DLG2: variants seen among roughly 807,000 people sequenced by gnomAD.
The protein encoded by DLG2 is disks large homolog 2.
DLG2 carries 45 observed loss-of-function variants against 132.5 expected under a neutral mutation model. That is an observed-to-expected ratio of 0.34 (90% CI 0.27 to 0.44). The LOEUF is 0.44. DLG2 is among the 20% of genes least tolerant of loss of function. The pLI is 1.00. For synonymous variants in DLG2, 424 were observed against 419.6 expected (o/e 1.01, Z -0.13); for missense variants, 1,045 against 1,196.9 (o/e 0.87, Z 1.87).
chr11:84,853,778 T>G (rs2082443563), intron 6 of DLG2, among the ~76,000 whole-genome samples: 1 of 152,018 alleles, frequency 6.6e-6, no homozygotes, highest in Non-Finnish European at 1.5e-5. Context: ...GTTCAGAAAT[T>G]GAATCATTTG....
At chr11:84,026,284 C>T (rs1366654298) in intron 11 of DLG2, among the ~76,000 whole-genome samples, 1 of 151,974 alleles carries the variant, frequency 6.6e-6, no homozygotes, top group African/African-American at 2.4e-5. Context: ...TTAAAGGAGT[C>T]GTGCCTGGTT....
chr11:85,286,608 G>A (rs1300047675), intron 3 of DLG2, among the ~76,000 whole-genome samples: 1 of 152,026 alleles, frequency 6.6e-6, no homozygotes, highest in African/African-American at 2.4e-5. Flanking sequence ...AAGTTTTCAA[G>A]AGCTACAGGA....
At chr11:84,011,229 G>A (rs1233004095) in intron 11 of DLG2, among the ~76,000 whole-genome samples, 1 of 152,072 alleles carries the variant, frequency 6.6e-6, no homozygotes, top group Non-Finnish European at 1.5e-5. Flanking sequence ...CTAGCACTTT[G>A]GGAGGCTGAA....
intron 11 of DLG2, among the ~76,000 whole-genome samples, chr11:84,024,609 A>G (rs2095489081): frequency 6.6e-6 from 1 of 152,190 alleles, no homozygotes; most frequent in Non-Finnish European, 1.5e-5. Context: ...TCATGACAAC[A>G]TAGATGGAAT....
intron 4 of DLG2, among the ~76,000 whole-genome samples, chr11:85,166,350 T>G (rs2078443300): frequency 1.3e-5 from 2 of 152,174 alleles, no homozygotes; most frequent in Non-Finnish European, 2.9e-5. Flanking sequence ...CATTTTCAAT[T>G]GCATGCTTGT....
At chr11:84,315,094 A>G (rs1242302913) in intron 7 of DLG2, among the ~76,000 whole-genome samples, 1 of 152,150 alleles carries the variant, frequency 6.6e-6, no homozygotes. Context: ...ATAAGGAGAG[A>G]TGGTGGCTAC....
chr11:84,697,765 G>A (rs1279018610), intron 6 of DLG2, among the ~76,000 whole-genome samples: 1 of 151,412 alleles, frequency 6.6e-6, no homozygotes, highest in Non-Finnish European at 1.5e-5. Flanking sequence ...GCTCAAAAAT[G>A]TACGTCATTG....
At chr11:84,059,694 C>T (rs1460187309) in intron 10 of DLG2, among the ~76,000 whole-genome samples, 1 of 152,128 alleles carries the variant, frequency 6.6e-6, no homozygotes, top group Non-Finnish European at 1.5e-5. Flanking sequence ...CCACTTTTGA[C>T]CATACTACTG....
chr11:85,027,173 CTTTTTTTTTTTTTT>C (rs10571202), intron 6 of DLG2, among the ~76,000 whole-genome samples: 15 of 69,366 alleles, frequency 2.2e-4, no homozygotes, highest in Non-Finnish European at 2.8e-4. Flanking sequence ...AGTGTGGTCT[CTTTTTTTTTTTTTT>C]TTTTTTTTTT....
chr11:85,330,374 AC>A (rs2081610348), intron 3 of DLG2, among the ~76,000 whole-genome samples: 1 of 27,872 alleles, frequency 3.6e-5, no homozygotes, highest in South Asian at 3.1e-3. Context: ...CTTGGAACCA[AC>A]CCAAATGTCC....
At chr11:83,540,807 G>A (rs557796199) in intron 20 of DLG2, among the ~76,000 whole-genome samples, 2 of 152,252 alleles carry the variant, frequency 1.3e-5, no homozygotes, top group South Asian at 4.2e-4. Flanking sequence ...AAAAGCTAGT[G>A]CCTGCTTTTA....
At chr11:84,299,358 C>T (rs950184413) in intron 7 of DLG2, among the ~76,000 whole-genome samples, 1 of 152,044 alleles carries the variant, frequency 6.6e-6, no homozygotes, top group Non-Finnish European at 1.5e-5. Flanking sequence ...CAGGTTATTG[C>T]AAACAGTTTA....
At chr11:84,490,049 A>G (rs2099160815) in intron 7 of DLG2, among the ~76,000 whole-genome samples, 1 of 152,184 alleles carries the variant, frequency 6.6e-6, no homozygotes, top group African/African-American at 2.4e-5. Flanking sequence ...TTTAAAAGGT[A>G]ATCATTAACA....
chr11:83,997,087 T>C (rs954021853), intron 11 of DLG2, among the ~76,000 whole-genome samples: 2 of 150,448 alleles, frequency 1.3e-5, no homozygotes, highest in African/African-American at 2.5e-5. Flanking sequence ...CCCGTAAATA[T>C]ATATAACTAC....
chr11:84,505,665 T>C (rs1035445738), intron 7 of DLG2, among the ~76,000 whole-genome samples: 27 of 152,162 alleles, frequency 1.8e-4, no homozygotes, highest in African/African-American at 6.0e-4. Flanking sequence ...AATTAATATG[T>C]TCAGCAATAA....
intron 6 of DLG2, among the ~76,000 whole-genome samples, chr11:84,940,470 G>A (rs986890060): frequency 1.3e-5 from 2 of 152,160 alleles, no homozygotes; most frequent in African/African-American, 4.8e-5. Flanking sequence ...CTTCTTTGAC[G>A]AGCAATGATG....
At chr11:84,880,001 C>A (rs554034046) in intron 6 of DLG2, among the ~76,000 whole-genome samples, 4 of 152,024 alleles carry the variant, frequency 2.6e-5, no homozygotes, top group South Asian at 2.1e-4. Context: ...TGTTAACAAG[C>A]AAGCTGGAAA....
At chr11:85,561,370 A>AAAAAAT (rs2077233331) in intron 3 of DLG2, among the ~76,000 whole-genome samples, 1 of 112,724 alleles carries the variant, frequency 8.9e-6, no homozygotes, top group Non-Finnish European at 1.9e-5. Context: ...AAAAAAAAAT[A>AAAAAAT]GCTGTGTAAA....
At chr11:83,880,507 C>A (rs73522986) in intron 15 of DLG2, among the ~76,000 whole-genome samples, 1 of 152,108 alleles carries the variant, frequency 6.6e-6, no homozygotes. Flanking sequence ...GTGAAATTAT[C>A]CTACATATAA....
Sources: gnomAD v4.1 joint callset for allele counts (sites outside exome capture counted in the v4.1 genomes callset) on GRCh38, gnomAD v4.1.1 for gene constraint, MANE v1.5 for transcripts, NCBI Gene and HGNC (gene_info 2026-07-23, HGNC 2026-07-21) for gene names.